GLRB: variants seen among roughly 807,000 people sequenced by gnomAD.
The protein encoded by GLRB is glycine receptor beta, also known as glycine receptor subunit beta.
In GLRB, 33 loss-of-function variants were observed where a neutral mutation model predicts 54.2. The observed-to-expected ratio is 0.61, with a 90% CI of 0.46 to 0.81. GLRB has a LOEUF of 0.81. Ranked by LOEUF, GLRB falls within the 40% of genes least tolerant of loss-of-function variation. GLRB has a pLI of 0.00. For missense variants in GLRB, 572 were observed against 584.6 expected, an observed-to-expected ratio of 0.98 and a Z score of 0.22; for synonymous variants, 209 against 208.2, an observed-to-expected ratio of 1.00 and a Z score of -0.03.
intron 2 of GLRB, among the ~76,000 whole-genome samples, chr4:157,093,846 A>C (rs1175506143): frequency 1.3e-5 from 2 of 152,060 alleles, no homozygotes; most frequent in African/African-American, 4.8e-5. Context: ...AGAGAGAGAA[A>C]AGTGAGTTAT....
At chr4:157,141,441 AAGAT>A (rs1229192532) in intron 7 of GLRB, among the ~76,000 whole-genome samples, 3 of 152,016 alleles carry the variant, frequency 2.0e-5, no homozygotes, top group Admixed American at 6.6e-5. Context: ...AATATATAAA[AAGAT>A]AGCCAATATT....
intron 2 of GLRB, among the ~76,000 whole-genome samples, chr4:157,098,428 T>A (rs539058130): frequency 6.6e-6 from 1 of 152,172 alleles, no homozygotes; most frequent in African/African-American, 2.4e-5. Flanking sequence ...CAGAAAGGGC[T>A]TCTCTTTTAT....
intron 2 of GLRB, among the ~76,000 whole-genome samples, chr4:157,106,816 A>G (rs1735244134): frequency 6.6e-6 from 1 of 152,056 alleles, no homozygotes; most frequent in Non-Finnish European, 1.5e-5. Flanking sequence ...GCCTATCCTA[A>G]GACTTCTCAG....
chr4:157,167,042 G>A (rs1378218324), intron 9 of GLRB, among the ~76,000 whole-genome samples: 2 of 152,000 alleles, frequency 1.3e-5, no homozygotes, highest in African/African-American at 4.8e-5. Context: ...ATAAAAATAT[G>A]ATTTATAGCA....
intron 2 of GLRB, among the ~76,000 whole-genome samples, chr4:157,100,044 T>A (rs191300398): frequency 3.2e-4 from 49 of 152,350 alleles, no homozygotes; most frequent in African/African-American, 1.1e-3. Context: ...ACAAATCATT[T>A]GTCAGATATA....
intron 2 of GLRB, among the ~76,000 whole-genome samples, chr4:157,117,381 G>A (rs751634537): frequency 6.6e-6 from 1 of 151,606 alleles, no homozygotes; most frequent in Non-Finnish European, 1.5e-5. Context: ...TTCTACCAAT[G>A]TTTTTCTACC....
rs370903707 is a variant in GLRB, at chr4:157,170,735, T to A, written c.*7T>A. 3.6e-6 allele frequency: 5 copies of A among 1,398,746 alleles called. No homozygotes were observed. Among genetic ancestry groups the A allele is most frequent in the Non-Finnish European group, 4.8e-6 (5 of 1,031,342 alleles). The allele number at this position is 1,398,746 out of a possible 1,614,324, so 86.6% of individuals were successfully genotyped here. On this transcript the variant is annotated 3_prime_UTR_variant, in exon 10 of 10. Transcript: ENST00000264428. ...TTGGTCTATATATTTATGATAAATCTTTTCCATTTGTACAAAATAAAATTC... is the reference window on the plus strand; with the variant it reads ...TTGGTCTATATATTTATGATAAATCATTTCCATTTGTACAAAATAAAATTC...
intron 9 of GLRB, among the ~76,000 whole-genome samples, chr4:157,167,187 G>A (rs1560980537): frequency 6.6e-6 from 1 of 151,990 alleles, no homozygotes; most frequent in Non-Finnish European, 1.5e-5. Context: ...TTTATAATGG[G>A]GAATTCTAAA....
rs143871994 is a variant in GLRB, at chr4:157,143,755, C to T, written c.752-52C>T. The T allele has an allele frequency of 2.4e-4, 370 of 1,555,304 alleles. 1 individual carries two copies. In the African/African-American group the frequency reaches 4.7e-3, roughly 20 times the overall value. On this transcript the variant is annotated intron_variant, in intron 7 of 9. Coordinates refer to ENST00000264428, the MANE Select transcript of GLRB (RefSeq NM_000824.5). ...TTTCCAGGTCTGTCATTGATGTTTG[C>T]CATTCTGTGTGGGTGAAAACCTCAT...
chr4:157,098,516 G>A (rs1734895719), intron 2 of GLRB, among the ~76,000 whole-genome samples: 1 of 152,126 alleles, frequency 6.6e-6, no homozygotes, highest in African/African-American at 2.4e-5. Flanking sequence ...GTTTTTCTTT[G>A]CTATAAGCTG....
chr4:157,097,812 G>C (rs1431625736), intron 2 of GLRB, among the ~76,000 whole-genome samples: 1 of 152,180 alleles, frequency 6.6e-6, no homozygotes, highest in East Asian at 1.9e-4. Context: ...CCTGAGGTCA[G>C]GAGTTCGAGA....
chr4:157,130,183 C>T (rs7654841), intron 4 of GLRB, among the ~76,000 whole-genome samples: 9,065 of 151,628 alleles, frequency 0.06, 680 homozygotes, highest in African/African-American at 0.18. Context: ...ACTCCTTAAT[C>T]CCCTGCAATT....
intron 7 of GLRB, among the ~76,000 whole-genome samples, chr4:157,142,556 A>G (rs1313675202): frequency 6.6e-6 from 1 of 152,148 alleles, no homozygotes; most frequent in Non-Finnish European, 1.5e-5. Flanking sequence ...TTAAGGTCCT[A>G]TTCTGTGCAA....
In GLRB at chr4:157,122,411, T is replaced by G. The variant is rs1735859803; in HGVS notation, c.297+14T>G. 1.0e-6 allele frequency: 1 copy of G among 971,526 alleles called. No individual in the cohort carries two copies. Among genetic ancestry groups the G allele is most frequent in the African/African-American group, 1.7e-5 (1 of 60,078 alleles). 60.2% of individuals were successfully genotyped at this position (971,526 alleles called of 1,614,324 possible). ...GAAACAACAATGGTAAGATTGCAAT[T>G]AATTTAATATTTTGTCAAATATTTC... is the stretch of plus-strand genomic sequence containing the variant. On this transcript the variant is annotated intron_variant, in intron 4 of 9. Transcript: ENST00000264428.
chr4:157,076,446 C>T (rs1485340021), intron 1 of GLRB, 149 bp downstream of exon 1: 3 of 151,486 alleles, frequency 2.0e-5, no homozygotes, highest in African/African-American at 7.3e-5. Context: ...CCCGGGAGGA[C>T]GCGCGCTGCC....
At chr4:157,134,426 G>T (rs1736326117) in intron 4 of GLRB, among the ~76,000 whole-genome samples, 2 of 151,808 alleles carry the variant, frequency 1.3e-5, no homozygotes, top group Admixed American at 1.3e-4. Context: ...GGAGATTGAG[G>T]CTGCAGTGAG....
intron 2 of GLRB, among the ~76,000 whole-genome samples, chr4:157,089,318 G>A (rs115939598): frequency 0.028 from 4,233 of 152,202 alleles, 178 homozygotes; most frequent in African/African-American, 0.096. Flanking sequence ...AGAATCACCT[G>A]AGTCCAGGAG....
chr4:157,163,787 C>T (rs11947182), intron 9 of GLRB, among the ~76,000 whole-genome samples: 6,854 of 151,216 alleles, frequency 0.045, 243 homozygotes, highest in African/African-American at 0.097. Flanking sequence ...TCCCCAGGCT[C>T]ATCTGCTTCC....
At chr4:157,082,183 T>G (rs1403045293) in intron 2 of GLRB, among the ~76,000 whole-genome samples, 1 of 152,166 alleles carries the variant, frequency 6.6e-6, no homozygotes, top group Non-Finnish European at 1.5e-5. Context: ...CATCCAACAT[T>G]TTAATCTGAT....
Sources: gnomAD v4.1 joint callset for allele counts (sites outside exome capture counted in the v4.1 genomes callset) on GRCh38, gnomAD v4.1.1 for gene constraint, MANE v1.5 for transcripts, NCBI Gene and HGNC (gene_info 2026-07-23, HGNC 2026-07-21) for gene names.